CSMD1: variants seen among roughly 807,000 people sequenced by gnomAD.
CSMD1 encodes the protein CUB and sushi domain-containing protein 1.
Under a neutral mutation model 417.5 loss-of-function variants are expected in CSMD1, and 213 were observed. The observed-to-expected ratio is 0.51, with a 90% CI of 0.46 to 0.57. The LOEUF (loss-of-function observed/expected upper bound fraction) is 0.57, where lower values mean the gene tolerates loss of function less well. CSMD1 is among the 20% of genes least tolerant of loss of function. The pLI is 0.00. For synonymous variants in CSMD1, 2,862 were observed against 1,736.8 expected, an observed-to-expected ratio of 1.65 and a Z score of -16.11; for missense variants, 6,923 against 4,529.7, an observed-to-expected ratio of 1.53 and a Z score of -15.17.
At chr8:4,073,513 C>A (rs967218376) in intron 3 of CSMD1, among the ~76,000 whole-genome samples, 1 of 152,080 alleles carries the variant, frequency 6.6e-6, no homozygotes, top group African/African-American at 2.4e-5. Flanking sequence ...TTTCAGAGGA[C>A]CTGGGATGTG....
At chr8:2,984,330 C>G (rs1014368760) in intron 54 of CSMD1, among the ~76,000 whole-genome samples, 1 of 152,080 alleles carries the variant, frequency 6.6e-6, no homozygotes, top group African/African-American at 2.4e-5. Flanking sequence ...GAAACCTGTG[C>G]GTTGAGGCTA....
chr8:3,407,610 G>C (rs892795127), intron 14 of CSMD1, among the ~76,000 whole-genome samples: 1 of 152,124 alleles, frequency 6.6e-6, no homozygotes, highest in African/African-American at 2.4e-5. Context: ...TGGATGAATG[G>C]ATGGATGGAT....
chr8:4,695,446 G>C (rs753178379), intron 1 of CSMD1, among the ~76,000 whole-genome samples: 2 of 152,208 alleles, frequency 1.3e-5, no homozygotes, highest in Admixed American at 6.5e-5. Context: ...CATTTGTTAA[G>C]ATGTTATGTG....
intron 7 of CSMD1, among the ~76,000 whole-genome samples, chr8:3,647,454 C>G (rs1417489420): frequency 6.6e-6 from 1 of 151,976 alleles, no homozygotes; most frequent in Non-Finnish European, 1.5e-5. Context: ...TAGAGAAATA[C>G]AGCATAGAGA....
At chr8:4,651,468 TG>T (rs765933973) in intron 1 of CSMD1, among the ~76,000 whole-genome samples, 1 of 152,044 alleles carries the variant, frequency 6.6e-6, no homozygotes, top group Non-Finnish European at 1.5e-5. Context: ...CATATACTGG[TG>T]GGGGGAGGAA....
intron 3 of CSMD1, among the ~76,000 whole-genome samples, chr8:4,081,360 G>C (rs1485159754): frequency 6.6e-6 from 1 of 152,144 alleles, no homozygotes; most frequent in East Asian, 1.9e-4. Context: ...GGTATTGTGT[G>C]AATTACAAAC....
chr8:4,212,748 A>ATTTTTTTTTTTT (rs1233118651), intron 3 of CSMD1, among the ~76,000 whole-genome samples: 12 of 101,860 alleles, frequency 1.2e-4, no homozygotes, highest in African/African-American at 6.3e-4. Context: ...CAGCGGCCTT[A>ATTTTTTTTTTTT]TTCTTTTTTT....
At chr8:3,982,160 A>AAT (rs1813920345) in intron 5 of CSMD1, among the ~76,000 whole-genome samples, 1 of 89,526 alleles carries the variant, frequency 1.1e-5, no homozygotes, top group Non-Finnish European at 2.4e-5. Context: ...TCTATCTCAA[A>AAT]AATAATAATA....
At chr8:3,763,724 C>A (rs968315735) in intron 5 of CSMD1, among the ~76,000 whole-genome samples, 1 of 152,110 alleles carries the variant, frequency 6.6e-6, no homozygotes, top group Non-Finnish European at 1.5e-5. Context: ...AACCCTGTAC[C>A]TTTGTACAGA....
chr8:4,515,889 C>G (rs569830994), intron 2 of CSMD1, among the ~76,000 whole-genome samples: 2 of 152,238 alleles, frequency 1.3e-5, no homozygotes, highest in Non-Finnish European at 2.9e-5. Context: ...TTTACACATC[C>G]AATTATTTTA....
At position 3,283,129 on chromosome 8, in the gene CSMD1, T is replaced by A. The variant is rs192809212; in HGVS notation, c.4153+1015A>T. On this transcript the variant is annotated intron_variant, in intron 26 of 69. Coordinates refer to ENST00000635120, the MANE Select transcript of CSMD1 (RefSeq NM_033225.6). ...GTGTGCAGATGTGGTTTCACACTAG[T>A]AATTCAGCAGAGGTTCCTCTGTCAT... Among the ~76,000 whole-genome samples, 895 of 152,268 alleles carry A rather than the reference T, an allele frequency of 5.9e-3. 5 individuals carry two copies. Among genetic ancestry groups the A allele is most frequent in the Non-Finnish European group, 0.01 (708 of 68,016 alleles).
At chr8:3,921,152 A>C (rs1284840327) in intron 5 of CSMD1, among the ~76,000 whole-genome samples, 5 of 152,002 alleles carry the variant, frequency 3.3e-5, no homozygotes, top group African/African-American at 7.2e-5. Context: ...ATTTGTATTG[A>C]CCCTTTGAGA....
chr8:3,223,314 T>C (rs760939606), intron 28 of CSMD1, among the ~76,000 whole-genome samples: 3 of 152,178 alleles, frequency 2.0e-5, no homozygotes, highest in Non-Finnish European at 4.4e-5. Context: ...CTTAATTTTA[T>C]AATGATATTA....
At chr8:3,698,516 T>G (rs1585094131) in intron 7 of CSMD1, among the ~76,000 whole-genome samples, 1 of 152,238 alleles carries the variant, frequency 6.6e-6, no homozygotes, top group East Asian at 1.9e-4. Flanking sequence ...GCTAGAAATC[T>G]GGCACACGGA....
chr8:3,775,457 T>G (rs575003627), intron 5 of CSMD1, among the ~76,000 whole-genome samples: 2 of 152,178 alleles, frequency 1.3e-5, no homozygotes, highest in South Asian at 4.2e-4. Context: ...AAACAATCAT[T>G]TATCAATGAT....
chr8:4,432,290 A>C (rs1387883057), intron 2 of CSMD1, among the ~76,000 whole-genome samples: 1 of 152,162 alleles, frequency 6.6e-6, no homozygotes, highest in Non-Finnish European at 1.5e-5. Context: ...GGTTTTTATG[A>C]GGCAAGAGCC....
At position 3,144,797 on chromosome 8, in the gene CSMD1, G is replaced by T. The variant is rs544156744; in HGVS notation, c.6032-2123C>A. Among the ~76,000 whole-genome samples the T allele has an allele frequency of 2.3e-4, 31 of 133,846 alleles. 1 individual carries two copies. In the East Asian group the frequency reaches 4.2e-3, roughly 18 times the overall value. The allele number at this position is 133,846 out of a possible 152,430, so 87.8% of individuals were successfully genotyped here. A position where few individuals can be genotyped will look rare whatever the true frequency, so the allele number is the denominator to read the frequency against. On this transcript the variant is annotated intron_variant, in intron 40 of 69. Transcript: ENST00000635120. ...AAAGGGAGAGAAAGAGGCAACAAGG[G>T]GGGGGGGGAGGGAGGGAGGGAGAAG...
At chr8:3,402,371 T>G (rs1189348883) in intron 15 of CSMD1, among the ~76,000 whole-genome samples, 1 of 152,238 alleles carries the variant, frequency 6.6e-6, no homozygotes, top group Non-Finnish European at 1.5e-5. Context: ...CTACAGACTT[T>G]AAGCTTTGCT....
intron 5 of CSMD1, among the ~76,000 whole-genome samples, chr8:3,944,467 C>T (rs1811091594): frequency 6.6e-6 from 1 of 151,366 alleles, no homozygotes; most frequent in Non-Finnish European, 1.5e-5. Context: ...GTTTTTTTTC[C>T]CTGAAAGTTT....
Sources: allele counts gnomAD v4.1 joint callset (sites outside exome capture counted in the v4.1 genomes callset), GRCh38; gene constraint gnomAD v4.1.1; transcripts MANE v1.5; gene names NCBI Gene and HGNC (gene_info 2026-07-23, HGNC 2026-07-21).